The following STAB1 variants were observed in gnomAD, a reference collection of about 807,000 sequenced individuals.
The protein encoded by STAB1 is stabilin-1.
Under a neutral mutation model 332.4 loss-of-function variants are expected in STAB1, and 250 were observed. The ratio of observed to expected loss-of-function variants is 0.75; its 90% CI spans 0.68 to 0.84. The LOEUF is 0.84. STAB1 is among the 40% of genes least tolerant of loss of function. The pLI, the probability that STAB1 is intolerant of heterozygous loss-of-function variation, is 0.00. For missense variants in STAB1, 3,249 were observed against 3,489.7 expected (o/e 0.93, Z 1.74); for synonymous variants, 1,475 against 1,390.4 (o/e 1.06, Z -1.35).
Position 52,501,692 on chromosome 3 carries a change from G to A in STAB1, c.270G>A (p.Lys90=), listed in dbSNP as rs1285450381. ...TGTCCATGAGCGGCTGCAGACGGAAGTGCCGGAAGCAAGTGGTGCAGAAGG... is the reference window on the plus strand; with the variant it reads ...TGTCCATGAGCGGCTGCAGACGGAAATGCCGGAAGCAAGTGGTGCAGAAGG... ...SMVSMSGCRR[K]CRKQVVQKAC... The change falls in exon 3 of 69, where the codon AAG becomes AAA. Residue 90 remains lysine, a synonymous_variant. Coordinates refer to ENST00000321725, the MANE Select transcript of STAB1 (RefSeq NM_015136.3). 15 of 1,582,526 alleles carry A rather than the reference G, an allele frequency of 9.5e-6. No individual in the cohort carries two copies. The highest frequency in any genetic ancestry group is 1.2e-5 in the Non-Finnish European group (14 of 1,165,354).
In STAB1 at chr3:52,512,788, T is replaced by C. The variant is rs758801395; in HGVS notation, c.3028-40T>C. On this transcript the variant is annotated intron_variant, in intron 28 of 68. Transcript: ENST00000321725. ...AGGGGATCTGAAGATGATGGCTGCC[T>C]TCCTCGCTCCTCCCGCCCCTGCTCC... 4 of 1,604,562 alleles carry C rather than the reference T, an allele frequency of 2.5e-6. No individual in the cohort carries two copies. In the African/African-American group the frequency reaches 4.0e-5, roughly 16 times the overall value.
chr3:52,506,266 A>C lies in STAB1; in HGVS notation c.1830+16A>C, dbSNP rs1417154793. 6.2e-7 allele frequency: 1 copy of C among 1,604,886 alleles called. No individual in the cohort carries two copies. Among genetic ancestry groups the C allele is most frequent in the Non-Finnish European group, 8.5e-7 (1 of 1,175,282 alleles). On this transcript the variant is annotated intron_variant, in intron 17 of 68. Coordinates refer to ENST00000321725, the MANE Select transcript of STAB1 (RefSeq NM_015136.3). ...TTCTGAGGAGGTGAGGTGCACGGACACCTGGGCGGATGGTGGGGCTGGCGG... is the reference window on the plus strand; with the variant it reads ...TTCTGAGGAGGTGAGGTGCACGGACCCCTGGGCGGATGGTGGGGCTGGCGG...
chr3:52,507,131 G>A (rs1392038160), intron 18 of STAB1, among the ~76,000 whole-genome samples: 1 of 152,340 alleles, frequency 6.6e-6, no homozygotes, highest in East Asian at 1.9e-4. Flanking sequence ...TGTAGCCTCC[G>A]CATCCTGGGT....
At position 52,512,357 on chromosome 3, in the gene STAB1, T is replaced by C. The variant is rs1709357365; in HGVS notation, c.2900T>C (p.Val967Ala). 1 of 1,612,774 alleles carries C rather than the reference T, an allele frequency of 6.2e-7. No individual in the cohort carries two copies. The highest frequency in any genetic ancestry group is 2.2e-5 in the East Asian group (1 of 44,878). ...GCHGLATCRA[V>A]GGGQRVCTCP... Reference sequence around the variant, plus strand: ...CCACCCCAGGCCACCTGCCGGGCAGTGGGGGGAGGTCAGCGGGTCTGCACG... The same window carrying C: ...CCACCCCAGGCCACCTGCCGGGCAGCGGGGGGAGGTCAGCGGGTCTGCACG... The change falls in exon 27 of 69, where the codon GTG (valine) becomes GCG (alanine). Residue 967 changes from valine (V) to alanine (A), a missense_variant. By Grantham distance (64) the Val-to-Ala change is moderately conservative. Transcript: ENST00000321725.
Position 52,505,730 on chromosome 3 carries a change from T to A in STAB1, c.1644T>A (p.Asn548Lys). 6.2e-7 allele frequency: 1 copy of A among 1,613,882 alleles called. No homozygotes were observed. Among genetic ancestry groups the A allele is most frequent in the Non-Finnish European group, 8.5e-7 (1 of 1,180,032 alleles). Residue 548 changes from asparagine (N) to lysine (K), a missense_variant, in exon 15 of 69, where the codon AAT becomes AAA. Coordinates refer to ENST00000321725, the MANE Select transcript of STAB1 (RefSeq NM_015136.3). Reference protein sequence around the residue: ...PGPFTVFAPSNEAVDSLRDGR... With the variant: ...PGPFTVFAPSKEAVDSLRDGR... ...CCTTCACAGTCTTTGCCCCAAGCAA[T>A]GAGGCTGTGGACAGCTTGCGTGACG...
chr3:52,519,636 A>G, intron 50 of STAB1, 72 bp downstream of exon 50: 1 of 1,590,054 alleles, frequency 6.3e-7, no homozygotes, highest in Non-Finnish European at 8.6e-7. Context: ...GTGTATGCGT[A>G]CCTGTGTGTG....
rs778153702 is a variant in STAB1, at chr3:52,507,666, T to G, written c.2043T>G (p.Ser681Arg). 2 of 1,613,606 alleles carry G rather than the reference T, an allele frequency of 1.2e-6. No individual in the cohort carries two copies. Among genetic ancestry groups the G allele is most frequent in the Non-Finnish European group, 1.7e-6 (2 of 1,179,996 alleles). ...ACACCAGCACGTGTCCCCCCAACAG[T>G]GTGAAGCTGGTGAGCACACCTTGGC... ...ALNTSTCPPN[S>R]VKLDIFPKEC... The change falls in exon 19 of 69, where the codon AGT becomes AGG. Residue 681 changes from serine (S) to arginine (R), a missense_variant. Coordinates refer to ENST00000321725, the MANE Select transcript of STAB1 (RefSeq NM_015136.3).
chr3:52,520,078 G>GC lies in STAB1; in HGVS notation c.5371dup (p.Leu1791ProfsTer19), dbSNP rs1559717617. 12 of 1,611,934 alleles carry GC rather than the reference G, an allele frequency of 7.4e-6. No individual in the cohort carries two copies. Among genetic ancestry groups the GC allele is most frequent in the African/African-American group, 1.3e-5 (1 of 74,908 alleles). On this transcript the variant is annotated frameshift_variant, in exon 51 of 69. Transcript: ENST00000321725. LOFTEE classifies it high-confidence loss of function. The stretch of plus-strand genomic sequence containing the variant: ...TGTACCATGAGGACCACCGTGACAA[G>GC]CTAGCAGCCATTCTGCGGGGCCACA...
At position 52,515,128 on chromosome 3, in the gene STAB1, C is replaced by T. The variant is rs575234924; in HGVS notation, c.3864+83C>T. On this transcript the variant is annotated intron_variant, in intron 36 of 68. Coordinates refer to ENST00000321725, the MANE Select transcript of STAB1 (RefSeq NM_015136.3). ...GGTGCCCAATCCCCTCACCCTCCAG[C>T]CCAGTTTTGCTTGGCCCAGGCATCC... is the stretch of plus-strand genomic sequence containing the variant. The T allele has an allele frequency of 3.3e-6, 5 of 1,528,150 alleles. No homozygotes were observed. The Admixed American group carries it at 9.6e-5, about 29-fold the overall frequency. The allele number at this position is 1,528,150 out of a possible 1,614,324, so 94.7% of individuals were successfully genotyped here. A position where few individuals can be genotyped will look rare whatever the true frequency, so the allele number is the denominator to read the frequency against.
chr3:52,503,998 CG>C, intron 9 of STAB1, 29 bp from the exon 10 acceptor site: 1 of 1,609,548 alleles, frequency 6.2e-7, no homozygotes, highest in Non-Finnish European at 8.5e-7. Context: ...CCTCAGCCTC[CG>C]CCCTGACTGG....
chr3:52,514,446 TC>T lies in STAB1; in HGVS notation c.3631del (p.Leu1211SerfsTer19). 1 of 1,554,224 alleles carries T rather than the reference TC, an allele frequency of 6.4e-7. No individual in the cohort carries two copies. On this transcript the variant is annotated frameshift_variant, in exon 34 of 69. Coordinates refer to ENST00000321725, the MANE Select transcript of STAB1 (RefSeq NM_015136.3). LOFTEE classifies it high-confidence loss of function. ...ETLRKGGHRN[S>X]LLGPAHWIVF... ...CCTGCGGAAGGGTGGACACCGCAAC[TC>T]CCTCCTGGGCCCTGCCCACTGGATC...
chr3:52,501,931 G>A, intron 3 of STAB1, 75 bp from the exon 4 acceptor site: 1 of 1,570,866 alleles, frequency 6.4e-7, no homozygotes, highest in African/African-American at 1.3e-5. Flanking sequence ...CCGAGTCTGG[G>A]GTTGGCCAGA....
Position 52,521,855 on chromosome 3 carries a change from G to A in STAB1, c.6175G>A (p.Val2059Met), listed in dbSNP as rs2079082426. ...GCCCTGGGGGACAGAGCTGCAGCCT[G>A]TGTGTACCCCACCCTGTGCACCCGA... is the stretch of plus-strand genomic sequence containing the variant. ...RCEVQLELQP[V>M]CTPPCAPEAV... Residue 2059 changes from valine (V) to methionine (M), a missense_variant, in exon 58 of 69, where the codon GTG becomes ATG. By Grantham distance (21) the Val-to-Met change is conservative. Coordinates refer to ENST00000321725, the MANE Select transcript of STAB1 (RefSeq NM_015136.3). The A allele has an allele frequency of 1.3e-6, 2 of 1,599,550 alleles. No individual in the cohort carries two copies. The highest frequency in any genetic ancestry group is 1.3e-5 in the African/African-American group (1 of 74,794).
At chr3:52,511,063 T>C (rs1352133621) in intron 25 of STAB1, among the ~76,000 whole-genome samples, 1 of 152,254 alleles carries the variant, frequency 6.6e-6, no homozygotes, top group Non-Finnish European at 1.5e-5. Context: ...CGTGGGGCCT[T>C]AGCAGTAAGA....
Position 52,513,224 on chromosome 3 carries a change from A to T in STAB1, c.3253A>T (p.Ile1085Phe). 6.3e-7 allele frequency: 1 copy of T among 1,580,160 alleles called. No individual in the cohort carries two copies. Among genetic ancestry groups the T allele is most frequent in the Non-Finnish European group, 8.6e-7 (1 of 1,163,796 alleles). ...CCTGAACCCCACCACACGCTGGGAG[A>T]TTCGCAACATTAGTGGGGTATGTGG... ...ATLNPTTRWE[I>F]RNISGRVWVQ... Residue 1085 changes from isoleucine (I) to phenylalanine (F), a missense_variant, in exon 30 of 69, where the codon ATT (isoleucine) becomes TTT (phenylalanine). Coordinates refer to ENST00000321725, the MANE Select transcript of STAB1 (RefSeq NM_015136.3).
Position 52,495,393 on chromosome 3 carries a change from T to C in STAB1, c.-21T>C, listed in dbSNP as rs975292321. ...CATTCCCTACGCCCCGACTCTGTCC[T>C]GGACAGCGTGCCCACCAGCCATGGC... On this transcript the variant is annotated 5_prime_UTR_variant, in exon 1 of 69. Coordinates refer to ENST00000321725, the MANE Select transcript of STAB1 (RefSeq NM_015136.3). 2 of 1,335,436 alleles carry C rather than the reference T, an allele frequency of 1.5e-6. No homozygotes were observed. Among genetic ancestry groups the C allele is most frequent in the African/African-American group, 3.0e-5 (2 of 66,602 alleles). The allele number at this position is 1,335,436 out of a possible 1,614,324, so 82.7% of individuals were successfully genotyped here.
intron 18 of STAB1, among the ~76,000 whole-genome samples, chr3:52,507,108 A>C (rs1708933787): frequency 6.6e-6 from 1 of 152,218 alleles, no homozygotes; most frequent in Non-Finnish European, 1.5e-5. Flanking sequence ...GCAGTGGCAC[A>C]ATCCCAACTC....
intron 17 of STAB1, 83 bp from the exon 18 acceptor site, chr3:52,506,609 T>G (rs1708887693): frequency 7.0e-7 from 1 of 1,437,060 alleles, no homozygotes; most frequent in African/African-American, 1.4e-5. Context: ...CTGCTCTAAC[T>G]GGGCTGCAGG....
intron 1 of STAB1, among the ~76,000 whole-genome samples, chr3:52,496,404 A>C (rs566212523): frequency 9.2e-5 from 14 of 152,292 alleles, no homozygotes; most frequent in African/African-American, 3.1e-4. Context: ...GCCAGACTAA[A>C]GTCCAGAGCG....
Sources: allele counts gnomAD v4.1 joint callset (sites outside exome capture counted in the v4.1 genomes callset), GRCh38; gene constraint gnomAD v4.1.1; transcripts MANE v1.5; gene names NCBI Gene and HGNC (gene_info 2026-07-23, HGNC 2026-07-21).